The following AGBL1 variants were observed in gnomAD, a reference collection of about 807,000 sequenced individuals.
The protein encoded by AGBL1 is cytosolic carboxypeptidase 4.
Under a neutral mutation model 118.9 loss-of-function variants are expected in AGBL1, and 130 were observed. That is an observed-to-expected ratio of 1.09 (90% CI 0.95 to 1.26). The LOEUF is 1.26. AGBL1 is among the 50% of genes most tolerant of loss of function. The pLI, the probability that AGBL1 is intolerant of heterozygous loss-of-function variation, is 0.00. For synonymous variants in AGBL1, 555 were observed against 478.9 expected (o/e 1.16, Z -2.08); for missense variants, 1,584 against 1,298.1 (o/e 1.22, Z -3.38).
At chr15:86,772,322 C>G (rs1056160015) in intron 22 of AGBL1, among the ~76,000 whole-genome samples, 1 of 152,168 alleles carries the variant, frequency 6.6e-6, no homozygotes, top group Non-Finnish European at 1.5e-5. Flanking sequence ...ACCCAAGCAG[C>G]ACCAGTATAA....
intron 18 of AGBL1, among the ~76,000 whole-genome samples, chr15:86,416,177 A>C (rs899392943): frequency 2.6e-5 from 4 of 152,186 alleles, no homozygotes; most frequent in African/African-American, 9.6e-5. Flanking sequence ...TAATTTGAGT[A>C]GAGATGACTA....
intron 17 of AGBL1, among the ~76,000 whole-genome samples, chr15:86,394,305 A>G (rs1293173159): frequency 6.6e-6 from 1 of 152,132 alleles, no homozygotes; most frequent in Non-Finnish European, 1.5e-5. Context: ...AGCCTTTGGC[A>G]TATATTTCTT....
intron 7 of AGBL1, among the ~76,000 whole-genome samples, chr15:86,249,128 C>A (rs1282591342): frequency 2.0e-5 from 3 of 152,132 alleles, no homozygotes; most frequent in Non-Finnish European, 4.4e-5. Flanking sequence ...CTACATATGC[C>A]CTCCTTATTG....
chr15:86,963,716 A>G (rs544379029), intron 23 of AGBL1, among the ~76,000 whole-genome samples: 1 of 151,932 alleles, frequency 6.6e-6, no homozygotes, highest in African/African-American at 2.4e-5. Context: ...CTCTCTTCCA[A>G]AGTCTCTGTG....
intron 22 of AGBL1, among the ~76,000 whole-genome samples, chr15:86,828,500 G>C (rs7171886): frequency 1.5e-3 from 223 of 152,236 alleles, no homozygotes; most frequent in African/African-American, 5.1e-3. Flanking sequence ...AAAGCACTGT[G>C]GTGACAGGAG....
chr15:86,307,791 A>T (rs542915618), intron 17 of AGBL1, among the ~76,000 whole-genome samples: 132 of 152,240 alleles, frequency 8.7e-4, no homozygotes, highest in Admixed American at 1.6e-3. Flanking sequence ...TTAGTATCTT[A>T]TAAAATAATT....
chr15:86,341,099 C>T (rs2080455056), intron 17 of AGBL1, among the ~76,000 whole-genome samples: 1 of 152,220 alleles, frequency 6.6e-6, no homozygotes, highest in Non-Finnish European at 1.5e-5. Flanking sequence ...CTCCCCCTGA[C>T]ACTGCAGGTT....
At chr15:86,806,784 A>G (rs951865005) in intron 22 of AGBL1, among the ~76,000 whole-genome samples, 7 of 150,992 alleles carry the variant, frequency 4.6e-5, no homozygotes, top group African/African-American at 9.7e-5. Flanking sequence ...CATAATGCAT[A>G]TAATATATAA....
At chr15:86,661,450 A>G (rs1368326389) in intron 21 of AGBL1, among the ~76,000 whole-genome samples, 1 of 151,928 alleles carries the variant, frequency 6.6e-6, no homozygotes, top group East Asian at 1.9e-4. Context: ...GAATGAATGA[A>G]CAATGGGCTC....
chr15:86,536,452 A>G lies in AGBL1; in HGVS notation c.2686-9550A>G, dbSNP rs1465260712. Among the ~76,000 whole-genome samples, 3 of 152,280 alleles carry G rather than the reference A, an allele frequency of 2.0e-5. No homozygotes were observed. The East Asian group carries it at 5.8e-4, about 29-fold the overall frequency. On this transcript the variant is annotated intron_variant, in intron 19 of 22. Transcript: ENST00000614907. The stretch of plus-strand genomic sequence containing the variant: ...CAGCTTCCTGAGTAGCTGGGACTGC[A>G]GGCACGTGCCACCACACCTGGCTAA...
At chr15:86,477,783 A>G (rs1003913594) in intron 18 of AGBL1, among the ~76,000 whole-genome samples, 1 of 152,244 alleles carries the variant, frequency 6.6e-6, no homozygotes, top group Non-Finnish European at 1.5e-5. Flanking sequence ...CAACAAAAAA[A>G]GAGAATTTTA....
intron 22 of AGBL1, among the ~76,000 whole-genome samples, chr15:86,678,753 T>C (rs577351727): frequency 5.3e-5 from 8 of 152,276 alleles, no homozygotes; most frequent in African/African-American, 9.6e-5. Flanking sequence ...CTATCTGTTA[T>C]TGAACTGAGG....
chr15:86,993,718 A>C (rs1424925716), intron 24 of AGBL1, among the ~76,000 whole-genome samples: 1 of 152,230 alleles, frequency 6.6e-6, no homozygotes, highest in Non-Finnish European at 1.5e-5. Context: ...GGAGAGAAGC[A>C]AATCTATCTA....
chr15:86,658,665 C>T (rs1327863792), intron 21 of AGBL1, among the ~76,000 whole-genome samples: 1 of 152,180 alleles, frequency 6.6e-6, no homozygotes, highest in African/African-American at 2.4e-5. Context: ...CAGCAACACT[C>T]AGGATTGCAA....
intron 5 of AGBL1, among the ~76,000 whole-genome samples, chr15:86,203,592 A>G (rs1184125860): frequency 6.6e-6 from 1 of 152,176 alleles, no homozygotes; most frequent in Non-Finnish European, 1.5e-5. Context: ...CTTGGACTTC[A>G]GCATCTTTGC....
chr15:86,719,032 T>C (rs1045839296), intron 22 of AGBL1, among the ~76,000 whole-genome samples: 2 of 152,010 alleles, frequency 1.3e-5, no homozygotes, highest in Non-Finnish European at 1.5e-5. Context: ...CATTCAGTAG[T>C]CTCCCTTTTC....
At chr15:86,324,874 A>T (rs2080162637) in intron 17 of AGBL1, among the ~76,000 whole-genome samples, 3 of 152,156 alleles carry the variant, frequency 2.0e-5, no homozygotes, top group African/African-American at 7.2e-5. Flanking sequence ...GAAGTGAGCC[A>T]ATGTCTCCCT....
At chr15:86,651,212 T>G (rs1360067315) in intron 21 of AGBL1, among the ~76,000 whole-genome samples, 1 of 152,156 alleles carries the variant, frequency 6.6e-6, no homozygotes, top group Non-Finnish European at 1.5e-5. Context: ...CCAGGATTAT[T>G]CATTTTTAAC....
chr15:86,204,787 G>C lies in AGBL1; in HGVS notation c.489-20127G>C, dbSNP rs111456298. ...GCGTTTTTAGTAGAGATGGTGTTTC[G>C]CCATGTTGGCCAGCCTGGTCTTGAA... On this transcript the variant is annotated intron_variant, in intron 5 of 22. Coordinates refer to ENST00000614907, the MANE Select transcript of AGBL1 (RefSeq NM_001386094.1). Among the ~76,000 whole-genome samples, 33 of 151,970 alleles carry C rather than the reference G, an allele frequency of 2.2e-4. 1 individual carries two copies. Among genetic ancestry groups the C allele is most frequent in the East Asian group, 9.7e-4 (5 of 5,160 alleles).
Sources: gnomAD v4.1 joint callset for allele counts (sites outside exome capture counted in the v4.1 genomes callset) on GRCh38, gnomAD v4.1.1 for gene constraint, MANE v1.5 for transcripts, NCBI Gene and HGNC (gene_info 2026-07-23, HGNC 2026-07-21) for gene names.